The following SIAH1 variants were observed in gnomAD, a reference collection of about 807,000 sequenced individuals.
SIAH1 encodes siah E3 ubiquitin protein ligase 1.
A neutral mutation model predicts 20.0 loss-of-function variants in SIAH1; 2 were observed. That is an observed-to-expected ratio of 0.10 (90% CI 0.04 to 0.31). The LOEUF (loss-of-function observed/expected upper bound fraction) is 0.31, where lower values mean the gene tolerates loss of function less well. SIAH1 is among the 10% of genes least tolerant of loss of function. The pLI, the probability that SIAH1 is intolerant of heterozygous loss-of-function variation, is 1.00. For synonymous variants in SIAH1, 118 were observed against 125.3 expected (o/e 0.94, Z 0.39); for missense variants, 119 against 355.3 (o/e 0.33, Z 5.35).
chr16:48,386,227 C>G (rs1446812820), upstream of SIAH1, among the ~76,000 whole-genome samples: 3 of 152,220 alleles, frequency 2.0e-5, no homozygotes, highest in African/African-American at 7.2e-5. Flanking sequence ...GGTATTCCGT[C>G]CGGACGCGGT....
rs1960548089 is a variant in SIAH1 at position 48,360,686 on chromosome 16, T to C, written c.*894A>G. 1 of 152,590 alleles carries C rather than the reference T, an allele frequency of 6.6e-6. No homozygotes were observed. Among genetic ancestry groups the C allele is most frequent in the African/African-American group, 2.4e-5 (1 of 41,434 alleles). 9.5% of individuals were successfully genotyped at this position (152,590 alleles called of 1,614,324 possible). A position where few individuals can be genotyped will look rare whatever the true frequency, so the allele number is the denominator to read the frequency against. On this transcript the variant is annotated 3_prime_UTR_variant, in exon 2 of 2. Coordinates refer to ENST00000394725, the MANE Select transcript of SIAH1 (RefSeq NM_003031.4). ...CAAAACCAATAAATACAAGAACAAA[T>C]TTTAAAATATGTGATTTGTCCAAGA...
At chr16:48,372,948 G>C (rs933038812) in intron 1 of SIAH1, among the ~76,000 whole-genome samples, 2 of 152,038 alleles carry the variant, frequency 1.3e-5, no homozygotes, top group African/African-American at 2.4e-5. Flanking sequence ...AGAGTTGACG[G>C]ATCACTGGGC....
intron 1 of SIAH1, among the ~76,000 whole-genome samples, chr16:48,375,057 A>T (rs1338850932): frequency 6.6e-6 from 1 of 152,174 alleles, no homozygotes; most frequent in Non-Finnish European, 1.5e-5. Flanking sequence ...GGCTACGGCA[A>T]GATAATTACT....
At chr16:48,387,172 T>C (rs1961483687), upstream of SIAH1, 1 of 152,250 alleles carries the variant, frequency 6.6e-6, no homozygotes. Flanking sequence ...CAGAAGCAAC[T>C]TCTGCCTCTG....
At chr16:48,382,820 TAC>T (rs917555325) in intron 1 of SIAH1, among the ~76,000 whole-genome samples, 1 of 152,210 alleles carries the variant, frequency 6.6e-6, no homozygotes, top group Non-Finnish European at 1.5e-5. Flanking sequence ...TGCTTAAAAA[TAC>T]AATTTAAGCA....
At chr16:48,366,011 C>G in intron 1 of SIAH1, 1 of 689,098 alleles carries the variant, frequency 1.5e-6, no homozygotes, top group Non-Finnish European at 1.9e-6. Flanking sequence ...GGGCGATGCC[C>G]GTCTTGCTCG....
chr16:48,385,683 G>A (rs1479493641), upstream of SIAH1, among the ~76,000 whole-genome samples: 1 of 152,150 alleles, frequency 6.6e-6, no homozygotes, highest in Non-Finnish European at 1.5e-5. Flanking sequence ...CCCGCGAGAA[G>A]CTAGCGCTTG....
rs536933172 is a variant in SIAH1 at position 48,362,401 on chromosome 16, G to A, written c.28C>T (p.Pro10Ser). The change falls in exon 2 of 2, where the codon CCT becomes TCT. Residue 10 changes from proline (P) to serine (S), a missense_variant. Coordinates refer to ENST00000394725, the MANE Select transcript of SIAH1 (RefSeq NM_003031.4). This position sits in a 1 kb window ranked among gnomAD's most constrained non-coding sequence, Gnocchi z 4.2. ...GGTGGACACTTCGAGGTACCGGTAG[G>A]TAATGCTGTAGCAGTCTGACGGCTC... Reference protein sequence around the residue: MSRQTATALPTGTSKCPPSQ... With the variant: MSRQTATALSTGTSKCPPSQ... 1 of 1,614,140 alleles carries A rather than the reference G, an allele frequency of 6.2e-7. No homozygotes were observed. The highest frequency in any genetic ancestry group is 1.1e-5 in the South Asian group (1 of 91,074).
chr16:48,376,514 CAG>C (rs1178191251), intron 1 of SIAH1, among the ~76,000 whole-genome samples: 3 of 151,948 alleles, frequency 2.0e-5, no homozygotes, highest in Admixed American at 6.6e-5. Context: ...TTTCTTGAGA[CAG>C]AGTCTCGCTC....
At chr16:48,365,314 G>T (rs1272593642) in intron 1 of SIAH1, 9 of 1,521,768 alleles carry the variant, frequency 5.9e-6, no homozygotes, top group African/African-American at 4.1e-5. Flanking sequence ...CATTCCCTAA[G>T]CCAGGCAGGT....
chr16:48,368,016 T>G (rs1192961190), intron 1 of SIAH1, among the ~76,000 whole-genome samples: 1 of 152,266 alleles, frequency 6.6e-6, no homozygotes, highest in Non-Finnish European at 1.5e-5. Context: ...ATTCAGCCAT[T>G]GCTTTACCAC....
intron 1 of SIAH1, chr16:48,365,588 A>T: frequency 6.7e-7 from 1 of 1,485,448 alleles, no homozygotes; most frequent in Non-Finnish European, 8.9e-7. Flanking sequence ...TGAGGTCAGG[A>T]TCCAAATACC....
intron 1 of SIAH1, among the ~76,000 whole-genome samples, chr16:48,373,985 TCTTTA>T (rs1961043144): frequency 6.6e-6 from 1 of 152,156 alleles, no homozygotes; most frequent in South Asian, 2.1e-4. Context: ...AACTTTCAAA[TCTTTA>T]CTTGTTACAT....
intron 1 of SIAH1, among the ~76,000 whole-genome samples, chr16:48,380,690 G>A (rs562597383): frequency 1.3e-5 from 2 of 152,004 alleles, no homozygotes; most frequent in African/African-American, 2.4e-5. Context: ...TTGGGAGGCC[G>A]AGGTGGGCGA....
intron 1 of SIAH1, among the ~76,000 whole-genome samples, chr16:48,383,989 G>A (rs557445020): frequency 6.6e-6 from 1 of 152,328 alleles, no homozygotes; most frequent in South Asian, 2.1e-4. Context: ...TCTCAACAGG[G>A]CTTGAGGTAG....
intron 1 of SIAH1, among the ~76,000 whole-genome samples, chr16:48,373,595 TACC>T (rs985514507): frequency 2.9e-4 from 44 of 152,172 alleles, no homozygotes; most frequent in Non-Finnish European, 5.9e-5. Flanking sequence ...TCATCTGGAT[TACC>T]ACAATATCCT....
In SIAH1 at chr16:48,369,562, G is replaced by A. The variant is rs1567371596; in HGVS notation, c.-2-7132C>T. On this transcript the variant is annotated intron_variant, in intron 1 of 1. Transcript: ENST00000394725. ...GAGACAAGCCTAGGCAATATACTGA[G>A]ACCTCATCTCCACAAAAAAAATACA... Among the ~76,000 whole-genome samples the A allele has an allele frequency of 1.3e-5, 2 of 151,870 alleles. 1 individual carries two copies. The highest frequency in any genetic ancestry group is 6.8e-3 in the Middle Eastern group (2 of 292).
chr16:48,385,278 G>A lies in SIAH1; in HGVS notation c.-77C>T. 1 of 311,594 alleles carries A rather than the reference G, an allele frequency of 3.2e-6. No homozygotes were observed. The highest frequency in any genetic ancestry group is 6.8e-6 in the Non-Finnish European group (1 of 146,346). The allele number at this position is 311,594 out of a possible 1,614,324, so 19.3% of individuals were successfully genotyped here. A position where few individuals can be genotyped will look rare whatever the true frequency, so the allele number is the denominator to read the frequency against. On this transcript the variant is annotated 5_prime_UTR_variant, in exon 1 of 2. Coordinates refer to ENST00000394725, the MANE Select transcript of SIAH1 (RefSeq NM_003031.4). Reference sequence around the variant, plus strand: ...CCGTCGCCAACCCCCGCCACCGCGGGCAGCGCCACCGCCTCTTCCCGGCGC... The same window carrying A: ...CCGTCGCCAACCCCCGCCACCGCGGACAGCGCCACCGCCTCTTCCCGGCGC...
At chr16:48,365,377 A>T in intron 1 of SIAH1, 1 of 1,613,772 alleles carries the variant, frequency 6.2e-7, no homozygotes, top group Non-Finnish European at 8.5e-7. Flanking sequence ...CATCCTCTTA[A>T]TGTCAATACC....
Sources: gnomAD v4.1 joint callset for allele counts (sites outside exome capture counted in the v4.1 genomes callset) on GRCh38, gnomAD v4.1.1 for gene constraint, Gnocchi (gnomAD v3.1) non-coding constraint, MANE v1.5 for transcripts, NCBI Gene and HGNC (gene_info 2026-07-23, HGNC 2026-07-21) for gene names.